The following TBC1D32 variants were observed in gnomAD, a reference collection of about 807,000 sequenced individuals.
TBC1D32 encodes the protein protein broad-minded.
TBC1D32 carries 151 observed loss-of-function variants against 170.3 expected under a neutral mutation model. The observed-to-expected ratio is 0.89, with a 90% CI of 0.78 to 1.01. The LOEUF (loss-of-function observed/expected upper bound fraction) is 1.01. TBC1D32 is among the 50% of genes least tolerant of loss of function. The pLI, the probability that TBC1D32 is intolerant of heterozygous loss-of-function variation, is 0.00. For missense variants in TBC1D32, 1,464 were observed against 1,457.1 expected (o/e 1.00, Z -0.08); for synonymous variants, 498 against 488.0 (o/e 1.02, Z -0.27).
At chr6:121,155,272 G>C (rs1784740837) in intron 24 of TBC1D32, among the ~76,000 whole-genome samples, 1 of 152,000 alleles carries the variant, frequency 6.6e-6, no homozygotes, top group African/African-American at 2.4e-5. Context: ...TGTGGCTATA[G>C]CAAATGGGAT....
chr6:121,173,175 A>G (rs912210748), intron 22 of TBC1D32, among the ~76,000 whole-genome samples: 2 of 152,178 alleles, frequency 1.3e-5, no homozygotes, highest in African/African-American at 4.8e-5. Flanking sequence ...AGCAGGTAGA[A>G]GAGCGTGGAA....
intron 22 of TBC1D32, among the ~76,000 whole-genome samples, chr6:121,204,123 C>T (rs1791932270): frequency 6.6e-6 from 1 of 150,746 alleles, no homozygotes; most frequent in East Asian, 1.9e-4. Flanking sequence ...CTAGTTTCCC[C>T]CATCAAAACT....
Position 121,117,033 on chromosome 6 carries a change from G to A in TBC1D32, c.2984-1792C>T, listed in dbSNP as rs148355802. 3.9e-5 allele frequency among the ~76,000 whole-genome samples: 6 copies of A among 152,256 alleles called. No individual in the cohort carries two copies. In the East Asian group the frequency reaches 7.7e-4, roughly 20 times the overall value. On this transcript the variant is annotated intron_variant, in intron 26 of 31. Transcript: ENST00000398212. ...CCAGACTACTAAATAAGATTGCCAAGAGGGAATGTCCAGTCATTTGTATTT... is the reference window on the plus strand; with the variant it reads ...CCAGACTACTAAATAAGATTGCCAAAAGGGAATGTCCAGTCATTTGTATTT...
intron 20 of TBC1D32, among the ~76,000 whole-genome samples, chr6:121,225,782 G>T (rs895742812): frequency 2.0e-5 from 3 of 151,866 alleles, no homozygotes; most frequent in African/African-American, 7.3e-5. Flanking sequence ...TCACACATCG[G>T]GCATTTTAAA....
chr6:121,246,372 G>GA (rs1224454586), intron 17 of TBC1D32, among the ~76,000 whole-genome samples: 1 of 151,726 alleles, frequency 6.6e-6, no homozygotes, highest in Non-Finnish European at 1.5e-5. Context: ...ATCCTTAAGA[G>GA]AAAAAAAATT....
intron 15 of TBC1D32, among the ~76,000 whole-genome samples, chr6:121,266,423 T>C (rs1800493487): frequency 6.6e-6 from 1 of 152,160 alleles, no homozygotes; most frequent in African/African-American, 2.4e-5. Context: ...CAACAGATGC[T>C]AGAGTGGATG....
intron 22 of TBC1D32, among the ~76,000 whole-genome samples, chr6:121,200,865 TG>T (rs1285375275): frequency 6.6e-6 from 1 of 151,406 alleles, no homozygotes; most frequent in Non-Finnish European, 1.5e-5. Context: ...AATGCTGTTT[TG>T]TCCTTGAGGG....
In TBC1D32 at chr6:121,303,605, A is replaced by AT; in HGVS notation, c.1080+11dup. On this transcript the variant is annotated intron_variant, in intron 9 of 31. Transcript: ENST00000398212. ...GCACTAAAAGGTATAAAAATATTCT[A>AT]TTTTTCCTTACCATCCACTTTTTGA... 6.6e-7 allele frequency: 1 copy of AT among 1,525,760 alleles called. No homozygotes were observed. Among genetic ancestry groups the AT allele is most frequent in the South Asian group, 1.3e-5 (1 of 76,012 alleles). 94.5% of individuals were successfully genotyped at this position (1,525,760 alleles called of 1,614,324 possible). A position where few individuals can be genotyped will look rare whatever the true frequency, so the allele number is the denominator to read the frequency against.
At chr6:121,247,824 T>C (rs1797818204) in intron 17 of TBC1D32, among the ~76,000 whole-genome samples, 1 of 151,406 alleles carries the variant, frequency 6.6e-6, no homozygotes, top group Non-Finnish European at 1.5e-5. Flanking sequence ...ATAAAACCAT[T>C]ACTACTAGAC....
chr6:121,277,716 C>G (rs576925178), intron 15 of TBC1D32, among the ~76,000 whole-genome samples: 1 of 150,770 alleles, frequency 6.6e-6, no homozygotes, highest in African/African-American at 2.4e-5. Flanking sequence ...CCATAGAAAA[C>G]TAGGAAGAGA....
Position 121,294,561 on chromosome 6 carries a change from A to C in TBC1D32, c.1231+9T>G. 1 of 1,598,260 alleles carries C rather than the reference A, an allele frequency of 6.3e-7. No individual in the cohort carries two copies. ...TTTAAAAGTATGTAATAGAGGAAAT[A>C]ATACTTACTGCAATGCTTTGAATGT... On this transcript the variant is annotated intron_variant, in intron 11 of 31. Coordinates refer to ENST00000398212, the MANE Select transcript of TBC1D32 (RefSeq NM_152730.6).
At chr6:121,268,908 G>T (rs1357578542) in intron 15 of TBC1D32, among the ~76,000 whole-genome samples, 1 of 152,174 alleles carries the variant, frequency 6.6e-6, no homozygotes, top group African/African-American at 2.4e-5. Context: ...ACTAACAGCG[G>T]ATCTCTCGGC....
At chr6:121,121,234 T>G (rs1480655296) in intron 26 of TBC1D32, among the ~76,000 whole-genome samples, 1 of 151,930 alleles carries the variant, frequency 6.6e-6, no homozygotes, top group East Asian at 1.9e-4. Context: ...ACTTTACAGG[T>G]GAGTCGGGCA....
At chr6:121,105,586 C>T (rs1021493891) in intron 30 of TBC1D32, among the ~76,000 whole-genome samples, 7 of 151,812 alleles carry the variant, frequency 4.6e-5, no homozygotes, top group African/African-American at 1.7e-4. Flanking sequence ...ACTTGAGGCC[C>T]TAGAAAAAAA....
At chr6:121,124,164 C>T (rs115730361) in intron 26 of TBC1D32, among the ~76,000 whole-genome samples, 221 of 152,034 alleles carry the variant, frequency 1.5e-3, no homozygotes, top group African/African-American at 5.2e-3. Context: ...ATGTTAGCAT[C>T]CTTTTCCTTC....
At chr6:121,104,344 G>T (rs1173847808) in intron 30 of TBC1D32, among the ~76,000 whole-genome samples, 1 of 151,524 alleles carries the variant, frequency 6.6e-6, no homozygotes, top group African/African-American at 2.4e-5. Flanking sequence ...TTAATTAAAA[G>T]AAATGAGATA....
chr6:121,094,939 T>C (rs1183493600), intron 30 of TBC1D32, among the ~76,000 whole-genome samples: 1 of 151,240 alleles, frequency 6.6e-6, no homozygotes, highest in African/African-American at 2.5e-5. Context: ...AAACAATAAA[T>C]AGACATGTAA....
intron 22 of TBC1D32, among the ~76,000 whole-genome samples, chr6:121,186,918 A>G (rs1037105886): frequency 2.2e-4 from 14 of 62,344 alleles, no homozygotes; most frequent in Non-Finnish European, 6.2e-4. Flanking sequence ...TAAATGACTC[A>G]AAATATTCAA....
chr6:121,300,523 T>C (rs144963382), intron 9 of TBC1D32, among the ~76,000 whole-genome samples: 62 of 152,190 alleles, frequency 4.1e-4, no homozygotes, highest in African/African-American at 1.5e-3. Context: ...ATAAATGGTG[T>C]TGGGAAAACT....
Sources: gnomAD v4.1 joint callset for allele counts (sites outside exome capture counted in the v4.1 genomes callset) on GRCh38, gnomAD v4.1.1 for gene constraint, MANE v1.5 for transcripts, NCBI Gene and HGNC (gene_info 2026-07-23, HGNC 2026-07-21) for gene names.